The following ARHGEF28 variants were observed in gnomAD, a reference collection of about 807,000 sequenced individuals.
ARHGEF28 encodes the protein 190 kDa guanine nucleotide exchange factor.
Under a neutral mutation model 206.6 loss-of-function variants are expected in ARHGEF28, and 152 were observed. The ratio of observed to expected loss-of-function variants is 0.74; its 90% confidence interval spans 0.64 to 0.84. The LOEUF is 0.84. Among genes scored for constraint, ARHGEF28 ranks in the 40% least tolerant of loss-of-function variants. ARHGEF28 has a pLI of 0.00. For synonymous variants in ARHGEF28, 763 were observed against 776.4 expected, an observed-to-expected ratio of 0.98 and a Z score of 0.29; for missense variants, 2,028 against 2,073.2, an observed-to-expected ratio of 0.98 and a Z score of 0.42.
At chr5:73,853,816 T>C (rs2112603853) in intron 14 of ARHGEF28, among the ~76,000 whole-genome samples, 1 of 152,338 alleles carries the variant, frequency 6.6e-6, no homozygotes, top group African/African-American at 2.4e-5. Flanking sequence ...TGATTAACAG[T>C]CATCTTTTTA....
intron 35 of ARHGEF28, among the ~76,000 whole-genome samples, chr5:73,922,046 G>A (rs997911987): frequency 1.3e-5 from 2 of 152,206 alleles, no homozygotes; most frequent in Non-Finnish European, 2.9e-5. Context: ...CAAAACCCCA[G>A]ATGAAAAGGT....
At chr5:73,920,248 A>T (rs1436588492) in intron 35 of ARHGEF28, among the ~76,000 whole-genome samples, 1 of 152,226 alleles carries the variant, frequency 6.6e-6, no homozygotes, top group African/African-American at 2.4e-5. Flanking sequence ...GTTAGATAGC[A>T]TTCTTAAAAT....
At position 73,637,688 on chromosome 5, in the gene ARHGEF28, G is replaced by A. The variant is rs76672941; in HGVS notation, c.-12+11366G>A. 3.6e-3 allele frequency among the ~76,000 whole-genome samples: 553 copies of A among 152,276 alleles called. 1 individual carries two copies. Among genetic ancestry groups the A allele is most frequent in the Non-Finnish European group, 6.0e-3 (405 of 68,032 alleles). ...TTATTTGATTTTTTGAGCCTTTATT[G>A]AGTTGGGTTTAGCTAGTAATTGCTG... On this transcript the variant is annotated intron_variant, in intron 1 of 35. Transcript: ENST00000513042.
At chr5:73,844,639 TG>T (rs1436001617) in intron 11 of ARHGEF28, among the ~76,000 whole-genome samples, 7 of 107,156 alleles carry the variant, frequency 6.5e-5, no homozygotes, top group Middle Eastern at 4.8e-3. Flanking sequence ...AAAAAGCCTA[TG>T]TTTTTTTTTT....
intron 35 of ARHGEF28, among the ~76,000 whole-genome samples, chr5:73,921,666 T>C (rs1344638878): frequency 2.0e-5 from 3 of 152,220 alleles, no homozygotes; most frequent in Non-Finnish European, 4.4e-5. Context: ...TTTGTACAAG[T>C]TTTATTACAC....
At chr5:73,750,103 T>A in intron 3 of ARHGEF28, 119 bp downstream of exon 3, 1 of 1,187,390 alleles carries the variant, frequency 8.4e-7, no homozygotes, top group East Asian at 2.4e-5. Context: ...AGGTCAGGAG[T>A]GTGTGCGTGC....
chr5:73,808,340 G>A (rs945524384), intron 9 of ARHGEF28, among the ~76,000 whole-genome samples: 4 of 152,214 alleles, frequency 2.6e-5, no homozygotes, highest in Non-Finnish European at 5.9e-5. Context: ...AAGTCCGTGA[G>A]TGAGTGGGAC....
intron 7 of ARHGEF28, among the ~76,000 whole-genome samples, chr5:73,781,798 T>G (rs1265299169): frequency 6.6e-6 from 1 of 152,202 alleles, no homozygotes; most frequent in South Asian, 2.1e-4. Context: ...GTTAGGATAT[T>G]ATATTGATTT....
chr5:73,929,907 T>C (rs928881139), intron 35 of ARHGEF28, among the ~76,000 whole-genome samples: 1 of 152,226 alleles, frequency 6.6e-6, no homozygotes, highest in African/African-American at 2.4e-5. Flanking sequence ...TATTTAAATA[T>C]ATATGTACTT....
At chr5:73,885,795 G>A in intron 24 of ARHGEF28, 55 bp from the exon 25 acceptor site, 1 of 1,515,354 alleles carries the variant, frequency 6.6e-7, no homozygotes, top group Non-Finnish European at 8.8e-7. Context: ...TTCTTCCTTA[G>A]TACTCTGGTT....
intron 7 of ARHGEF28, among the ~76,000 whole-genome samples, chr5:73,790,714 G>C (rs1289876554): frequency 2.0e-5 from 3 of 149,644 alleles, no homozygotes; most frequent in African/African-American, 7.3e-5. Flanking sequence ...CTGGGATATT[G>C]AAACAAACTT....
intron 10 of ARHGEF28, 66 bp downstream of exon 10, chr5:73,832,525 A>G (rs1184312775): frequency 1.3e-6 from 2 of 1,566,110 alleles, no homozygotes; most frequent in African/African-American, 2.7e-5. Context: ...TGTAAGAAAT[A>G]GATTCAGCAT....
intron 35 of ARHGEF28, among the ~76,000 whole-genome samples, chr5:73,931,237 T>C (rs1764098424): frequency 6.6e-6 from 1 of 152,210 alleles, no homozygotes; most frequent in Non-Finnish European, 1.5e-5. Context: ...TCTGGGTTCT[T>C]TGTTTGTAAC....
intron 2 of ARHGEF28, among the ~76,000 whole-genome samples, chr5:73,716,154 T>G (rs1037475990): frequency 6.6e-6 from 1 of 152,170 alleles, no homozygotes; most frequent in Non-Finnish European, 1.5e-5. Context: ...CAAGCTGTAA[T>G]GCACCGGCAC....
chr5:73,763,318 C>T (rs1752711988), intron 4 of ARHGEF28, among the ~76,000 whole-genome samples: 1 of 152,182 alleles, frequency 6.6e-6, no homozygotes, highest in Non-Finnish European at 1.5e-5. Flanking sequence ...AGCTGTAGCT[C>T]ATACCCAAAG....
At position 73,873,179 on chromosome 5, in the gene ARHGEF28, A is replaced by G; in HGVS notation, c.2747A>G (p.Gln916Arg). 1 of 1,612,462 alleles carries G rather than the reference A, an allele frequency of 6.2e-7. No individual in the cohort carries two copies. Among genetic ancestry groups the G allele is most frequent in the Non-Finnish European group, 8.5e-7 (1 of 1,179,288 alleles). ...HFFYSMKERR[Q>R]ESCAGSDRNF... ...TTCTACAGTATGAAGGAACGAAGGC[A>G]GGAATCCTGTGCTGGCAGCGACAGG... The change falls in exon 22 of 36, where the codon CAG becomes CGG. Residue 916 changes from glutamine (Q) to arginine (R), a missense_variant. Around this residue, in one of 3 missense-constraint regions of ARHGEF28, gnomAD observed 223 missense variants for 289.9 expected, o/e 0.77. Transcript: ENST00000513042.
intron 2 of ARHGEF28, among the ~76,000 whole-genome samples, chr5:73,697,146 G>C (rs1303671405): frequency 6.6e-6 from 1 of 152,150 alleles, no homozygotes; most frequent in African/African-American, 2.4e-5. Context: ...CTGAGAACTA[G>C]AACTTAACAG....
chr5:73,818,976 G>A (rs921912876), intron 9 of ARHGEF28, among the ~76,000 whole-genome samples: 7 of 152,276 alleles, frequency 4.6e-5, no homozygotes, highest in African/African-American at 1.7e-4. Flanking sequence ...TCCCATAGGA[G>A]AGATCAGGAA....
At chr5:73,810,492 G>A (rs1755780622) in intron 9 of ARHGEF28, among the ~76,000 whole-genome samples, 1 of 152,096 alleles carries the variant, frequency 6.6e-6, no homozygotes, top group African/African-American at 2.4e-5. Flanking sequence ...TTGCCCTGAA[G>A]TTCTTCTGAC....
Sources: gnomAD v4.1 joint callset for allele counts (sites outside exome capture counted in the v4.1 genomes callset) on GRCh38, gnomAD v4.1.1 for gene constraint, gnomAD v4.1.1 regional missense constraint, MANE v1.5 for transcripts, NCBI Gene and HGNC (gene_info 2026-07-23, HGNC 2026-07-21) for gene names.